The following HSPA12A variants were observed in gnomAD, a reference collection of about 807,000 sequenced individuals.
HSPA12A encodes the protein heat shock protein family A (Hsp70) member 12A, also known as heat shock 70 kDa protein 12A.
In HSPA12A, 28 loss-of-function variants were observed where a neutral mutation model predicts 69.2. The ratio of observed to expected loss-of-function variants is 0.40; its 90% confidence interval spans 0.30 to 0.55. HSPA12A has a LOEUF of 0.55. HSPA12A is among the 20% of genes least tolerant of loss of function. The pLI is 0.38. For synonymous variants in HSPA12A, 345 were observed against 370.5 expected, an observed-to-expected ratio of 0.93 and a Z score of 0.79; for missense variants, 686 against 900.7, an observed-to-expected ratio of 0.76 and a Z score of 3.05.
chr10:116,785,639 C>T (rs1416797914), intron 2 of HSPA12A, among the ~76,000 whole-genome samples: 1 of 152,148 alleles, frequency 6.6e-6, no homozygotes, highest in Non-Finnish European at 1.5e-5. Flanking sequence ...CTGCTGCCCA[C>T]CGCATGCTGC....
chr10:116,676,733 A>G (rs1415261230), intron 10 of HSPA12A, among the ~76,000 whole-genome samples: 1 of 152,202 alleles, frequency 6.6e-6, no homozygotes, highest in African/African-American at 2.4e-5. Context: ...GCTGTGACCG[A>G]CCTTCCCCTG....
chr10:116,756,596 G>A (rs1323120740), intron 2 of HSPA12A, among the ~76,000 whole-genome samples: 1 of 152,216 alleles, frequency 6.6e-6, no homozygotes, highest in Non-Finnish European at 1.5e-5. Flanking sequence ...CATAACCCAA[G>A]GCCTGCAGCC....
At chr10:116,818,819 T>C (rs1339447796) in intron 2 of HSPA12A, among the ~76,000 whole-genome samples, 1 of 152,146 alleles carries the variant, frequency 6.6e-6, no homozygotes, top group African/African-American at 2.4e-5. Flanking sequence ...TCAAAATCTG[T>C]CTTGGTAAGA....
intron 1 of HSPA12A, among the ~76,000 whole-genome samples, chr10:116,849,352 C>T (rs765429726): frequency 1.3e-5 from 2 of 152,318 alleles, no homozygotes; most frequent in East Asian, 1.9e-4. Context: ...AGGAGCCCAA[C>T]CCCCGGACCT....
intron 2 of HSPA12A, among the ~76,000 whole-genome samples, chr10:116,782,705 C>T (rs1844490171): frequency 6.6e-6 from 1 of 152,158 alleles, no homozygotes; most frequent in Admixed American, 6.5e-5. Flanking sequence ...TTTTTAAAAA[C>T]AAGGGAATAA....
chr10:116,810,946 C>A (rs1038133983), intron 2 of HSPA12A, among the ~76,000 whole-genome samples: 1 of 152,136 alleles, frequency 6.6e-6, no homozygotes, highest in Non-Finnish European at 1.5e-5. Context: ...TCCTGCCCCA[C>A]GGAATTCACT....
chr10:116,720,262 C>T (rs1316507155), intron 1 of HSPA12A, among the ~76,000 whole-genome samples: 4 of 152,192 alleles, frequency 2.6e-5, no homozygotes, highest in African/African-American at 9.7e-5. Flanking sequence ...CTGGGCACCG[C>T]CCCCTCCCTC....
In HSPA12A at chr10:116,787,014, A is replaced by G. The variant is rs918704904; in HGVS notation, c.91+47921T>C. Among the ~76,000 whole-genome samples the G allele has an allele frequency of 2.9e-3, 427 of 149,428 alleles. 2 individuals are homozygous for G. Among genetic ancestry groups the G allele is most frequent in the African/African-American group, 9.3e-3 (377 of 40,668 alleles). ...CACACACACACACACACACATACACACACGCACGCACTCACACACACACGG... is the reference window on the plus strand; with the variant it reads ...CACACACACACACACACACATACACGCACGCACGCACTCACACACACACGG... On this transcript the variant is annotated intron_variant, in intron 2 of 12. Coordinates refer to the HSPA12A transcript ENST00000635765.
At chr10:116,728,281 G>A (rs1041045687) in intron 1 of HSPA12A, among the ~76,000 whole-genome samples, 7 of 150,872 alleles carry the variant, frequency 4.6e-5, no homozygotes, top group African/African-American at 1.7e-4. Context: ...GCTAGGCATG[G>A]ATGGTCTGTA....
intron 1 of HSPA12A, among the ~76,000 whole-genome samples, chr10:116,724,662 T>C (rs1185778681): frequency 3.9e-5 from 6 of 152,232 alleles, no homozygotes; most frequent in Admixed American, 2.0e-4. Context: ...GTAAGTCTTC[T>C]GTCATGAGAA....
At position 116,673,459 on chromosome 10, in the gene HSPA12A, C is replaced by G. The variant is rs1316257479; in HGVS notation, c.*1322G>C. The G allele has an allele frequency of 6.6e-6, 1 of 152,174 alleles. No individual in the cohort carries two copies. The highest frequency in any genetic ancestry group is 1.5e-5 in the Non-Finnish European group (1 of 68,048). 9.4% of individuals were successfully genotyped at this position (152,174 alleles called of 1,614,324 possible). Reference sequence around the variant, plus strand: ...ACACCTGCAGAGGGCGGGCTGTGATCTGTGTGTGAACTTCAACAAAATCTC... The same window carrying G: ...ACACCTGCAGAGGGCGGGCTGTGATGTGTGTGTGAACTTCAACAAAATCTC... On this transcript the variant is annotated 3_prime_UTR_variant, in exon 12 of 12. Transcript: ENST00000369209.
chr10:116,749,627 A>G (rs782319058), intron 2 of HSPA12A, among the ~76,000 whole-genome samples: 57 of 152,214 alleles, frequency 3.7e-4, no homozygotes, highest in Admixed American at 6.5e-4. Flanking sequence ...TGAATGAACA[A>G]ATTATCAAAT....
chr10:116,779,735 G>A (rs975236676), intron 2 of HSPA12A, among the ~76,000 whole-genome samples: 4 of 152,094 alleles, frequency 2.6e-5, no homozygotes, highest in East Asian at 1.9e-4. Context: ...TCCAGAAACC[G>A]AATAACGCTG....
chr10:116,752,655 G>A (rs1418095908), intron 2 of HSPA12A, among the ~76,000 whole-genome samples: 4 of 152,234 alleles, frequency 2.6e-5, no homozygotes, highest in African/African-American at 9.6e-5. Context: ...AGAGCAGGGT[G>A]CAAGGAGTGC....
intron 2 of HSPA12A, among the ~76,000 whole-genome samples, chr10:116,788,767 A>G (rs1405620829): frequency 6.6e-6 from 1 of 152,206 alleles, no homozygotes; most frequent in Non-Finnish European, 1.5e-5. Context: ...GTGAAAATAT[A>G]CCCACAGATA....
At chr10:116,735,643 A>G (rs1438674062) in intron 1 of HSPA12A, among the ~76,000 whole-genome samples, 1 of 152,166 alleles carries the variant, frequency 6.6e-6, no homozygotes, top group Middle Eastern at 3.2e-3. Flanking sequence ...AAGTGACCAC[A>G]GGGAAGACCA....
intron 5 of HSPA12A, among the ~76,000 whole-genome samples, chr10:116,697,416 C>T (rs528225853): frequency 3.5e-5 from 5 of 142,738 alleles, no homozygotes; most frequent in Non-Finnish European, 6.0e-5. Context: ...AGGGGGCTCA[C>T]GCTATTAGCT....
At chr10:116,679,482 G>A (rs373345193) in intron 10 of HSPA12A, 21 bp downstream of exon 10, 44 of 1,609,546 alleles carry the variant, frequency 2.7e-5, no homozygotes, top group Non-Finnish European at 3.1e-5. Flanking sequence ...TCCAGAGCCC[G>A]AGGTGATGAG....
At chr10:116,738,515 G>A (rs1851381924) in intron 1 of HSPA12A, among the ~76,000 whole-genome samples, 1 of 152,140 alleles carries the variant, frequency 6.6e-6, no homozygotes, top group South Asian at 2.1e-4. Flanking sequence ...AAGTTAGCAA[G>A]TTTTTCAAAG....
Sources: allele counts gnomAD v4.1 joint callset (sites outside exome capture counted in the v4.1 genomes callset), GRCh38; gene constraint gnomAD v4.1.1; transcripts MANE v1.5; gene names NCBI Gene and HGNC (gene_info 2026-07-23, HGNC 2026-07-21).